The following CMPK2 variants were observed in gnomAD, a reference collection of about 807,000 sequenced individuals.
The protein encoded by CMPK2 is cytidine/uridine monophosphate kinase 2.
In CMPK2, 32 loss-of-function variants were observed where a neutral mutation model predicts 33.4. The observed-to-expected ratio is 0.96, with a 90% CI of 0.72 to 1.29. The LOEUF is 1.29. Ranked by LOEUF, CMPK2 falls within the 50% of genes most tolerant of loss-of-function variation. CMPK2 has a pLI of 0.00. For synonymous variants in CMPK2, 299 were observed against 275.3 expected, an observed-to-expected ratio of 1.09 and a Z score of -0.85; for missense variants, 672 against 616.0, an observed-to-expected ratio of 1.09 and a Z score of -0.96.
At chr2:6,860,817 T>C (rs1662852486) in intron 3 of CMPK2, among the ~76,000 whole-genome samples, 1 of 152,202 alleles carries the variant, frequency 6.6e-6, no homozygotes, top group South Asian at 2.1e-4. Context: ...ACTGAAAGTA[T>C]AGACTCATTA....
At chr2:6,855,620 G>A (rs1013217718) in intron 3 of CMPK2, among the ~76,000 whole-genome samples, 6 of 152,132 alleles carry the variant, frequency 3.9e-5, no homozygotes, top group African/African-American at 7.2e-5. Context: ...ACAAGATTTC[G>A]TATCCTTCTC....
chr2:6,850,314 G>A (rs1662475591), intron 4 of CMPK2, among the ~76,000 whole-genome samples: 1 of 152,150 alleles, frequency 6.6e-6, no homozygotes, highest in Admixed American at 6.5e-5. Context: ...AAGAATTTAG[G>A]TAATTTGTTC....
chr2:6,859,935 G>T (rs1217060382), intron 3 of CMPK2, among the ~76,000 whole-genome samples: 1 of 152,210 alleles, frequency 6.6e-6, no homozygotes, highest in Non-Finnish European at 1.5e-5. Flanking sequence ...GCAGCAAGGA[G>T]GGGGGCTATA....
intron 3 of CMPK2, among the ~76,000 whole-genome samples, chr2:6,841,312 G>A (rs181549255): frequency 5.6e-4 from 86 of 152,256 alleles, no homozygotes; most frequent in African/African-American, 2.0e-3. Flanking sequence ...TGGAAAATGG[G>A]TAAAATCCAT....
intron 4 of CMPK2, 93 bp from the exon 5 acceptor site, chr2:6,850,066 A>T: frequency 7.5e-6 from 7 of 937,242 alleles, no homozygotes; most frequent in African/African-American, 1.6e-5. Context: ...AATAGCTTGA[A>T]GCAAGCTTCC....
In CMPK2 at chr2:6,865,193, C is replaced by G; in HGVS notation, c.504G>C (p.Pro168=). Residue 168 remains proline, a synonymous_variant, in exon 1 of 5, where the codon CCG becomes CCC. Transcript: ENST00000256722. ...AGAGGCGCTGCCACAGCTGGCCGCG[C>G]GGGTCGGCCTCGAACTCGCCCAAGT... ...RPHLGEFEAD[P]RGQLWQRLWE... 6.5e-7 allele frequency: 1 copy of G among 1,532,172 alleles called. No homozygotes were observed. Among genetic ancestry groups the G allele is most frequent in the East Asian group, 2.6e-5 (1 of 38,392 alleles). 94.9% of individuals were successfully genotyped at this position (1,532,172 alleles called of 1,614,324 possible).
At position 6,849,066 on chromosome 2, in the gene CMPK2, C is replaced by T; in HGVS notation, c.*784G>A. On this transcript the variant is annotated 3_prime_UTR_variant, in exon 5 of 5. Transcript: ENST00000256722. ...ACTGGATTGGCTAAATGAAATGCAT[C>T]CAGTTCAATGGAAAATGTGCATTCT... The T allele has an allele frequency of 1.0e-6, 1 of 984,196 alleles. No homozygotes were observed. The highest frequency in any genetic ancestry group is 1.2e-6 in the Non-Finnish European group (1 of 828,696). 61.0% of individuals were successfully genotyped at this position (984,196 alleles called of 1,614,324 possible).
upstream of CMPK2, chr2:6,865,939 CG>C (rs764137986): frequency 1.9e-4 from 261 of 1,342,850 alleles, 2 homozygotes; most frequent in Non-Finnish European, 2.5e-4. Context: ...CGGGAGCAGA[CG>C]CTTGGCCCCG....
upstream of CMPK2, chr2:6,866,123 T>G (rs1663082338): frequency 4.6e-6 from 1 of 219,622 alleles, no homozygotes. Flanking sequence ...TTATGCCGGG[T>G]GCATGGAGGG....
At chr2:6,841,913 T>C (rs1363162352) in intron 3 of CMPK2, among the ~76,000 whole-genome samples, 2 of 152,180 alleles carry the variant, frequency 1.3e-5, no homozygotes, top group African/African-American at 4.8e-5. Context: ...TCTTTCCAAA[T>C]AGCGGCATGA....
At position 6,861,200 on chromosome 2, in the gene CMPK2, G is replaced by A; in HGVS notation, c.976C>T (p.Pro326Ser). 1 of 1,613,870 alleles carries A rather than the reference G, an allele frequency of 6.2e-7. No individual in the cohort carries two copies. The highest frequency in any genetic ancestry group is 8.5e-7 in the Non-Finnish European group (1 of 1,179,926). Residue 326 changes from proline (P) to serine (S), a missense_variant, in exon 3 of 5, where the codon CCT becomes TCT. Transcript: ENST00000256722. The stretch of plus-strand genomic sequence containing the variant: ...TATACCTACCTGTCTACAATCACAG[G>A]AGATTTGGCAGATTCTTTAGCTATT... ...SEIAKESAKS[P>S]VIVDRYWHST... is the part of the protein sequence containing the mutation.
chr2:6,853,597 C>A (rs973007504), intron 3 of CMPK2, among the ~76,000 whole-genome samples: 14 of 152,176 alleles, frequency 9.2e-5, no homozygotes, highest in Admixed American at 6.5e-4. Context: ...CGGATCATTG[C>A]AAATTATGAT....
intron 3 of CMPK2, among the ~76,000 whole-genome samples, chr2:6,858,728 T>C (rs1328750255): frequency 6.6e-6 from 1 of 152,238 alleles, no homozygotes; most frequent in African/African-American, 2.4e-5. Context: ...TGTAAATCCA[T>C]TAAACCTCTT....
chr2:6,863,578 A>G lies in CMPK2; in HGVS notation c.676T>C (p.Cys226Arg). 3.7e-6 allele frequency: 6 copies of G among 1,611,242 alleles called. No homozygotes were observed. Among genetic ancestry groups the G allele is most frequent in the Non-Finnish European group, 5.1e-6 (6 of 1,178,076 alleles). The stretch of plus-strand genomic sequence containing the variant: ...CGGGCTTCAGGAATAAAGGAGGTAC[A>G]CTGTAAAACAACGTCTATCCATCAG... ...REAARAVLEE[C>R]TSFIPEARAV... The change falls in exon 2 of 5, where the codon TGT becomes CGT. Residue 226 changes from cysteine (C) to arginine (R), a missense_variant and splice_region_variant. Physicochemically the swap from Cys to Arg is radical, Grantham distance 180. Transcript: ENST00000256722.
chr2:6,863,020 G>C (rs1413184095), intron 2 of CMPK2, among the ~76,000 whole-genome samples: 1 of 152,004 alleles, frequency 6.6e-6, no homozygotes, highest in African/African-American at 2.4e-5. Context: ...TCCACATTTT[G>C]CTCCAGAAGA....
At chr2:6,853,205 C>T (rs1662577641) in intron 3 of CMPK2, among the ~76,000 whole-genome samples, 1 of 152,176 alleles carries the variant, frequency 6.6e-6, no homozygotes, top group African/African-American at 2.4e-5. Flanking sequence ...CCGCCTTGGC[C>T]TCTCAAAGTG....
chr2:6,840,811 T>A, intron 3 of CMPK2: 1 of 618,378 alleles, frequency 1.6e-6, no homozygotes, highest in South Asian at 1.8e-5. Context: ...GCCAGGGAGG[T>A]TACATGTTTA....
chr2:6,865,896 G>A lies in CMPK2; in HGVS notation c.-200C>T, dbSNP rs1320729872. On this transcript the variant is annotated 5_prime_UTR_variant, in exon 1 of 5. Coordinates refer to ENST00000256722, the MANE Select transcript of CMPK2 (RefSeq NM_207315.4). ...GGCGCCCTTCCGGCCTCTCCTCCTC[G>A]CCGCGAGATGTGCGCGATAAACGGC... 3 of 1,408,790 alleles carry A rather than the reference G, an allele frequency of 2.1e-6. No homozygotes were observed. The highest frequency in any genetic ancestry group is 2.8e-6 in the Non-Finnish European group (3 of 1,082,280). 87.3% of individuals were successfully genotyped at this position (1,408,790 alleles called of 1,614,324 possible). A position where few individuals can be genotyped will look rare whatever the true frequency, so the allele number is the denominator to read the frequency against.
At chr2:6,860,128 C>T (rs1427147267) in intron 3 of CMPK2, among the ~76,000 whole-genome samples, 3 of 152,218 alleles carry the variant, frequency 2.0e-5, no homozygotes, top group Non-Finnish European at 4.4e-5. Flanking sequence ...CAATTTCTCT[C>T]ATTTGTAATG....
Sources: gnomAD v4.1 joint callset for allele counts (sites outside exome capture counted in the v4.1 genomes callset) on GRCh38, gnomAD v4.1.1 for gene constraint, MANE v1.5 for transcripts, NCBI Gene and HGNC (gene_info 2026-07-23, HGNC 2026-07-21) for gene names.